MAP3K3: variants seen among roughly 807,000 people sequenced by gnomAD.
The protein encoded by MAP3K3 is mitogen-activated protein kinase kinase kinase 3.
MAP3K3 carries 12 observed loss-of-function variants against 80.9 expected under a neutral mutation model. The ratio of observed to expected loss-of-function variants is 0.15; its 90% confidence interval spans 0.10 to 0.24. The LOEUF is 0.24. MAP3K3 is among the 10% of genes least tolerant of loss of function. The probability of loss-of-function intolerance (pLI) is 1.00; values close to 1 mark genes in which losing one functional copy is unlikely to be tolerated. For missense variants in MAP3K3, 596 were observed against 834.7 expected, an observed-to-expected ratio of 0.71 and a Z score of 3.52; for synonymous variants, 272 against 307.1, an observed-to-expected ratio of 0.89 and a Z score of 1.19.
intron 1 of MAP3K3, among the ~76,000 whole-genome samples, chr17:63,623,339 A>G (rs2034033773): frequency 6.6e-6 from 1 of 152,024 alleles, no homozygotes; most frequent in Non-Finnish European, 1.5e-5. Context: ...GCTGTGATCA[A>G]GCGCGCGGTT....
At chr17:63,636,210 A>G (rs997653893) in intron 2 of MAP3K3, among the ~76,000 whole-genome samples, 2 of 152,204 alleles carry the variant, frequency 1.3e-5, no homozygotes, top group Non-Finnish European at 2.9e-5. Flanking sequence ...TAAGTAAACA[A>G]GCTTGGTAAG....
chr17:63,677,209 G>C (rs544035496), intron 6 of MAP3K3, among the ~76,000 whole-genome samples: 11 of 152,340 alleles, frequency 7.2e-5, no homozygotes, highest in African/African-American at 2.6e-4. Context: ...TTTAGCTAAT[G>C]AGTGGCAAAG....
At chr17:63,638,019 C>A (rs1371900668) in intron 2 of MAP3K3, among the ~76,000 whole-genome samples, 1 of 152,158 alleles carries the variant, frequency 6.6e-6, no homozygotes, top group African/African-American at 2.4e-5. Flanking sequence ...CTTTTGCTTT[C>A]AGTGTGAAAG....
Position 63,690,356 on chromosome 17 carries a change from C to T in MAP3K3, c.1156C>T (p.Arg386Cys), listed in dbSNP as rs756808678. ...VYLCYDVDTGRELASKQVQFD... is the reference protein window; with the variant it reads ...VYLCYDVDTGCELASKQVQFD... ...TTTGTGCTATGACGTGGACACGGGACGTGAACTTGCTTCCAAGCAGGTCCA... is the reference window on the plus strand; with the variant it reads ...TTTGTGCTATGACGTGGACACGGGATGTGAACTTGCTTCCAAGCAGGTCCA... The change falls in exon 12 of 16, where the codon CGT becomes TGT. Residue 386 changes from arginine to cysteine, a missense_variant. This residue lies in a region of MAP3K3 where 364 missense variants were observed against 588.9 expected (regional missense o/e 0.62). Transcript: ENST00000361733. 17 of 1,614,070 alleles carry T rather than the reference C, an allele frequency of 1.1e-5. No individual in the cohort carries two copies. Among genetic ancestry groups the T allele is most frequent in the South Asian group, 9.9e-5 (9 of 91,092 alleles).
At chr17:63,687,729 C>A (rs932970166) in intron 8 of MAP3K3, among the ~76,000 whole-genome samples, 2 of 151,274 alleles carry the variant, frequency 1.3e-5, no homozygotes, top group Non-Finnish European at 2.9e-5. Context: ...GTGGCTCATG[C>A]CTGTAGTCCC....
chr17:63,660,372 CT>C (rs796191998), intron 5 of MAP3K3, among the ~76,000 whole-genome samples: 318 of 141,940 alleles, frequency 2.2e-3, no homozygotes, highest in Non-Finnish European at 2.1e-3. Flanking sequence ...CTTGGCTTTT[CT>C]TTTTTTTTTT....
chr17:63,667,645 G>A (rs2035026924), intron 6 of MAP3K3, among the ~76,000 whole-genome samples: 1 of 152,088 alleles, frequency 6.6e-6, no homozygotes, highest in South Asian at 2.1e-4. Context: ...AAATAAAATA[G>A]TGTAGTATTT....
In MAP3K3 at chr17:63,693,802, G is replaced by A. The variant is rs369463266; in HGVS notation, c.*25G>A. The A allele has an allele frequency of 1.1e-5, 17 of 1,580,686 alleles. No homozygotes were observed. The African/African-American group carries it at 1.9e-4, about 18-fold the overall frequency. On this transcript the variant is annotated 3_prime_UTR_variant, in exon 16 of 16. Coordinates refer to ENST00000361733, the MANE Select transcript of MAP3K3 (RefSeq NM_002401.5). This position sits in a 1 kb window ranked among gnomAD's most constrained non-coding sequence, Gnocchi z 4.2. Reference sequence around the variant, plus strand: ...AGCTCTCACGGCCACACAGCTGCCGGTCGCCCTTTGCTGCATGGCAGGGGG... The same window carrying A: ...AGCTCTCACGGCCACACAGCTGCCGATCGCCCTTTGCTGCATGGCAGGGGG...
Position 63,689,174 on chromosome 17 carries a change from C to T in MAP3K3, c.871+293C>T. The T allele has an allele frequency of 1.8e-6, 1 of 559,018 alleles. No individual in the cohort carries two copies. Among genetic ancestry groups the T allele is most frequent in the Non-Finnish European group, 3.2e-6 (1 of 314,114 alleles). The allele number at this position is 559,018 out of a possible 1,614,324, so 34.6% of individuals were successfully genotyped here. Reference sequence around the variant, plus strand: ...GCCCCACAGCAGCAGGTGGCCTGGGCCCTGTAGAGGGGTAAGGAGTAGGAT... The same window carrying T: ...GCCCCACAGCAGCAGGTGGCCTGGGTCCTGTAGAGGGGTAAGGAGTAGGAT... On this transcript the variant is annotated intron_variant, in intron 10 of 15. Coordinates refer to ENST00000361733, the MANE Select transcript of MAP3K3 (RefSeq NM_002401.5). This position sits in a 1 kb window ranked among gnomAD's most constrained non-coding sequence, Gnocchi z 4.3.
chr17:63,635,226 T>C (rs1381129060), intron 2 of MAP3K3, among the ~76,000 whole-genome samples: 1 of 152,254 alleles, frequency 6.6e-6, no homozygotes, highest in Non-Finnish European at 1.5e-5. Flanking sequence ...CAAGAAATTA[T>C]GTATATGCTT....
At chr17:63,682,171 A>C (rs920755499) in intron 7 of MAP3K3, among the ~76,000 whole-genome samples, 3 of 152,146 alleles carry the variant, frequency 2.0e-5, no homozygotes, top group Non-Finnish European at 2.9e-5. Context: ...TGGTCCTCTC[A>C]TTGTTCCTAC....
Position 63,681,757 on chromosome 17 carries a change from G to T in MAP3K3, c.503-9G>T. ...CTCTGTTGTTGAAAGCCTCCTTTAT[G>T]TGCTCTAGGCTCCCAGAACCCTGGC... On this transcript the variant is annotated splice_polypyrimidine_tract_variant and intron_variant, in intron 6 of 15. Transcript: ENST00000361733. The T allele has an allele frequency of 6.9e-7, 1 of 1,446,604 alleles. No individual in the cohort carries two copies. The highest frequency in any genetic ancestry group is 9.2e-7 in the Non-Finnish European group (1 of 1,089,968). 89.6% of individuals were successfully genotyped at this position (1,446,604 alleles called of 1,614,324 possible).
At chr17:63,686,934 G>A (rs2035462787) in intron 8 of MAP3K3, among the ~76,000 whole-genome samples, 1 of 152,180 alleles carries the variant, frequency 6.6e-6, no homozygotes. Flanking sequence ...AATATTAGTT[G>A]AATGGCTTCA....
chr17:63,692,123 A>T lies in MAP3K3; in HGVS notation c.1475-119A>T. 1 of 1,195,380 alleles carries T rather than the reference A, an allele frequency of 8.4e-7. No homozygotes were observed. The highest frequency in any genetic ancestry group is 1.2e-6 in the Non-Finnish European group (1 of 829,954). 74.0% of individuals were successfully genotyped at this position (1,195,380 alleles called of 1,614,324 possible). On this transcript the variant is annotated intron_variant, in intron 14 of 15. Transcript: ENST00000361733. The surrounding 1 kb of genome is among the most constrained non-coding windows in gnomAD (Gnocchi z 4.5). The stretch of plus-strand genomic sequence containing the variant: ...CTAAATCCTTTGCCCTTTGCAGTTC[A>T]TGTCTAATTCAGTGGTAGCCCTGCC...
At chr17:63,671,423 A>G (rs897588231) in intron 6 of MAP3K3, among the ~76,000 whole-genome samples, 31 of 151,634 alleles carry the variant, frequency 2.0e-4, no homozygotes, top group Non-Finnish European at 2.9e-5. Flanking sequence ...ACCCAGCTAA[A>G]TTTTGTATTT....
chr17:63,647,106 C>T (rs952372054), intron 3 of MAP3K3, among the ~76,000 whole-genome samples: 3 of 152,162 alleles, frequency 2.0e-5, no homozygotes, highest in Admixed American at 6.5e-5. Flanking sequence ...TTGCAGCTGG[C>T]TCCAGAGGAG....
chr17:63,690,350 A>T lies in MAP3K3; in HGVS notation c.1150A>T (p.Thr384Ser). 1.2e-6 allele frequency: 2 copies of T among 1,614,220 alleles called. No individual in the cohort carries two copies. Among genetic ancestry groups the T allele is most frequent in the Non-Finnish European group, 1.7e-6 (2 of 1,180,040 alleles). The change falls in exon 12 of 16, where the codon ACG becomes TCG. Residue 384 changes from threonine (T) to serine (S), a missense_variant. This residue lies in a region of MAP3K3 where 364 missense variants were observed against 588.9 expected (regional missense o/e 0.62). Transcript: ENST00000361733. ...GGTCTATTTGTGCTATGACGTGGAC[A>T]CGGGACGTGAACTTGCTTCCAAGCA... ...GRVYLCYDVDTGRELASKQVQ... is the reference protein window; with the variant it reads ...GRVYLCYDVDSGRELASKQVQ...
chr17:63,624,193 T>C (rs1375725644), intron 1 of MAP3K3, among the ~76,000 whole-genome samples: 1 of 152,218 alleles, frequency 6.6e-6, no homozygotes, highest in Non-Finnish European at 1.5e-5. Context: ...TTGAATTTTT[T>C]TATAGATGAG....
At chr17:63,677,997 C>A (rs1355832480) in intron 6 of MAP3K3, among the ~76,000 whole-genome samples, 1 of 152,202 alleles carries the variant, frequency 6.6e-6, no homozygotes, top group Non-Finnish European at 1.5e-5. Flanking sequence ...CTGGCCAGTT[C>A]AAGGAGAAGT....
Sources: gnomAD v4.1 joint callset for allele counts (sites outside exome capture counted in the v4.1 genomes callset) on GRCh38, gnomAD v4.1.1 for gene constraint, gnomAD v4.1.1 regional missense constraint, Gnocchi (gnomAD v3.1) non-coding constraint, MANE v1.5 for transcripts, NCBI Gene and HGNC (gene_info 2026-07-23, HGNC 2026-07-21) for gene names.